The following ASB3 variants were observed in gnomAD, a reference collection of about 807,000 sequenced individuals.
The protein encoded by ASB3 is ankyrin repeat and SOCS box protein 3.
ASB3 carries 41 observed loss-of-function variants against 54.5 expected under a neutral mutation model. The ratio of observed to expected loss-of-function variants is 0.75; its 90% CI spans 0.59 to 0.98. The LOEUF (loss-of-function observed/expected upper bound fraction) is 0.98. Ranked by LOEUF, ASB3 falls within the 50% of genes least tolerant of loss-of-function variation. ASB3 has a pLI of 0.00. For missense variants in ASB3, 733 were observed against 620.0 expected (o/e 1.18, Z -1.94); for synonymous variants, 266 against 221.2 (o/e 1.20, Z -1.80).
At chr2:53,679,764 AGTTCAGGG>A (rs1447979026) in intron 9 of ASB3, among the ~76,000 whole-genome samples, 1 of 152,026 alleles carries the variant, frequency 6.6e-6, no homozygotes, top group African/African-American at 2.4e-5. Context: ...TTAATTTTTA[AGTTCAGGG>A]GTACATGTGT....
At chr2:53,725,120 A>G (rs893517066) in intron 5 of ASB3, among the ~76,000 whole-genome samples, 6 of 152,208 alleles carry the variant, frequency 3.9e-5, no homozygotes, top group African/African-American at 1.4e-4. Context: ...AAAAGAATAA[A>G]ATCATGTCCT....
At chr2:53,785,341 C>T (rs932226883) in intron 1 of ASB3, among the ~76,000 whole-genome samples, 5 of 152,046 alleles carry the variant, frequency 3.3e-5, no homozygotes, top group Admixed American at 1.3e-4. Flanking sequence ...AATGCTAAAA[C>T]AGGACCTCAC....
intron 2 of ASB3, among the ~76,000 whole-genome samples, chr2:53,753,863 A>C (rs548935766): frequency 6.6e-6 from 1 of 151,118 alleles, no homozygotes; most frequent in East Asian, 2.0e-4. Flanking sequence ...CTGGTCTCAA[A>C]CTCCTGGCCT....
Position 53,786,896 on chromosome 2 carries a change from G to A in ASB3, c.-89C>T. ...CCAGAGCTGCGTCCCAGAAGCCCCC[G>A]CTTTCGATCCCCACCGCGATGCTGC... On this transcript the variant is annotated 5_prime_UTR_variant, in exon 1 of 10. Transcript: ENST00000263634. The A allele has an allele frequency of 6.1e-6, 2 of 326,290 alleles. No individual in the cohort carries two copies. Among genetic ancestry groups the A allele is most frequent in the South Asian group, 7.7e-5 (1 of 12,984 alleles). 20.2% of individuals were successfully genotyped at this position (326,290 alleles called of 1,614,324 possible). A position where few individuals can be genotyped will look rare whatever the true frequency, so the allele number is the denominator to read the frequency against.
intron 3 of ASB3, among the ~76,000 whole-genome samples, chr2:53,744,161 G>C (rs1037890161): frequency 2.0e-5 from 3 of 151,978 alleles, no homozygotes; most frequent in African/African-American, 7.3e-5. Context: ...TGGACTGCGA[G>C]GTCAGGAGAT....
chr2:53,749,676 A>G (rs1672413911), intron 3 of ASB3, among the ~76,000 whole-genome samples: 6 of 152,090 alleles, frequency 3.9e-5, no homozygotes, highest in Admixed American at 3.9e-4. Flanking sequence ...GAATCTCAAA[A>G]GTATCATGAC....
At chr2:53,696,833 G>A (rs1233529517) in intron 8 of ASB3, among the ~76,000 whole-genome samples, 4 of 152,272 alleles carry the variant, frequency 2.6e-5, no homozygotes, top group Non-Finnish European at 2.9e-5. Flanking sequence ...GTATATGGGA[G>A]GAAGTGCATA....
intron 7 of ASB3, 80 bp from the exon 8 acceptor site, chr2:53,700,608 G>C: frequency 1.3e-6 from 2 of 1,500,018 alleles, no homozygotes; most frequent in Admixed American, 2.3e-5. Flanking sequence ...GTTAATAGTA[G>C]TTACAGCTGG....
intron 9 of ASB3, among the ~76,000 whole-genome samples, chr2:53,687,651 C>T (rs1027912269): frequency 6.6e-6 from 1 of 152,158 alleles, no homozygotes; most frequent in Non-Finnish European, 1.5e-5. Context: ...CCCACTACTG[C>T]CCCACTTCCC....
intron 1 of ASB3, chr2:53,774,681 A>G (rs775167067): frequency 2.2e-4 from 125 of 559,788 alleles, no homozygotes; most frequent in Non-Finnish European, 3.2e-4. Flanking sequence ...ATTGGGATAC[A>G]GTGAAAGAAA....
At chr2:53,673,279 G>A (rs1667913049) in intron 9 of ASB3, among the ~76,000 whole-genome samples, 1 of 152,128 alleles carries the variant, frequency 6.6e-6, no homozygotes, top group Non-Finnish European at 1.5e-5. Flanking sequence ...TACACAACCA[G>A]AAGGAAGATA....
intron 2 of ASB3, among the ~76,000 whole-genome samples, chr2:53,760,517 A>G (rs1049335633): frequency 1.3e-4 from 20 of 152,188 alleles, no homozygotes; most frequent in African/African-American, 4.8e-4. Flanking sequence ...CAGGAAACCA[A>G]GGCCCAGTAC....
chr2:53,740,993 C>G (rs1671903435), intron 3 of ASB3, among the ~76,000 whole-genome samples: 1 of 152,152 alleles, frequency 6.6e-6, no homozygotes, highest in South Asian at 2.1e-4. Context: ...CACTGTAATT[C>G]TACTACTTTC....
At chr2:53,770,773 C>A (rs1673846964) in intron 1 of ASB3, among the ~76,000 whole-genome samples, 1 of 152,136 alleles carries the variant, frequency 6.6e-6, no homozygotes, top group Non-Finnish European at 1.5e-5. Context: ...ATAAAATTGC[C>A]TAGAACACAA....
intron 2 of ASB3, among the ~76,000 whole-genome samples, chr2:53,751,663 C>T (rs1672520631): frequency 1.3e-5 from 2 of 151,758 alleles, no homozygotes; most frequent in South Asian, 4.1e-4. Flanking sequence ...CTGGAATAAA[C>T]TAAACAGAAA....
chr2:53,705,009 T>C (rs1194757534), intron 7 of ASB3, among the ~76,000 whole-genome samples: 1 of 152,214 alleles, frequency 6.6e-6, no homozygotes, highest in Non-Finnish European at 1.5e-5. Context: ...GATCCTACTT[T>C]GGTAAAGTTT....
intron 2 of ASB3, among the ~76,000 whole-genome samples, chr2:53,756,439 G>C (rs968085490): frequency 4.6e-5 from 7 of 152,140 alleles, no homozygotes; most frequent in African/African-American, 1.7e-4. Context: ...ACTTGGCATG[G>C]TGATGGTTAA....
intron 1 of ASB3, among the ~76,000 whole-genome samples, chr2:53,783,739 C>A (rs80051433): frequency 0.033 from 4,993 of 152,256 alleles, 120 homozygotes; most frequent in Non-Finnish European, 0.054. Context: ...TAAGTCTATT[C>A]CCAAGCTATC....
chr2:53,696,135 AT>A (rs144217270), intron 8 of ASB3, among the ~76,000 whole-genome samples: 47 of 152,296 alleles, frequency 3.1e-4, no homozygotes, highest in African/African-American at 1.1e-3. Context: ...CATGTTAAGC[AT>A]TTTCATTGCT....
Sources: gnomAD v4.1 joint callset for allele counts (sites outside exome capture counted in the v4.1 genomes callset) on GRCh38, gnomAD v4.1.1 for gene constraint, MANE v1.5 for transcripts, NCBI Gene and HGNC (gene_info 2026-07-23, HGNC 2026-07-21) for gene names.